Variants in CTNNA2 observed in about 807,000 individuals in gnomAD.
CTNNA2 encodes catenin alpha-2.
Under a neutral mutation model 101.0 loss-of-function variants are expected in CTNNA2, and 42 were observed. The ratio of observed to expected loss-of-function variants is 0.42; its 90% CI spans 0.32 to 0.54. CTNNA2 has a LOEUF of 0.54. CTNNA2 is among the 20% of genes least tolerant of loss of function. The pLI is 0.14. For missense variants in CTNNA2, 871 were observed against 1,223.1 expected (o/e 0.71, Z 4.29); for synonymous variants, 450 against 456.4 (o/e 0.99, Z 0.18).
Position 80,647,995 on chromosome 2 carries a change from A to G in CTNNA2, c.*123A>G. On this transcript the variant is annotated 3_prime_UTR_variant, in exon 19 of 19. Transcript: ENST00000402739. ...TCTGGCATGGGGAAATTAAGGGAAC[A>G]GTGTCTGTTTGCATGTAAGATGAGA... is the stretch of plus-strand genomic sequence containing the variant. 1.1e-6 allele frequency: 1 copy of G among 905,374 alleles called. No homozygotes were observed. The highest frequency in any genetic ancestry group is 1.8e-5 in the South Asian group (1 of 55,272). The allele number at this position is 905,374 out of a possible 1,614,324, so 56.1% of individuals were successfully genotyped here. A position where few individuals can be genotyped will look rare whatever the true frequency, so the allele number is the denominator to read the frequency against.
intron 7 of CTNNA2, among the ~76,000 whole-genome samples, chr2:79,973,781 T>A (rs1407867580): frequency 6.6e-6 from 1 of 152,190 alleles, no homozygotes; most frequent in East Asian, 1.9e-4. Flanking sequence ...TATCCTTAGC[T>A]ACAAGGATCA....
At chr2:80,132,504 A>G (rs1702469762) in intron 7 of CTNNA2, among the ~76,000 whole-genome samples, 1 of 152,210 alleles carries the variant, frequency 6.6e-6, no homozygotes, top group African/African-American at 2.4e-5. Flanking sequence ...TAGAAGCAAT[A>G]TAATTCCCTC....
At chr2:80,590,212 A>C (rs1379978372) in intron 15 of CTNNA2, among the ~76,000 whole-genome samples, 3 of 152,136 alleles carry the variant, frequency 2.0e-5, no homozygotes, top group African/African-American at 7.2e-5. Flanking sequence ...TGCCCTTTCA[A>C]CACAAAGGAC....
intron 2 of CTNNA2, among the ~76,000 whole-genome samples, chr2:79,262,934 G>A (rs1674942497): frequency 6.6e-6 from 1 of 152,102 alleles, no homozygotes; most frequent in African/African-American, 2.4e-5. Context: ...ATCTACAATA[G>A]TAAACACTTC....
chr2:79,346,543 C>T (rs1404496251), intron 3 of CTNNA2, among the ~76,000 whole-genome samples: 1 of 152,130 alleles, frequency 6.6e-6, no homozygotes, highest in East Asian at 1.9e-4. Context: ...TGATTTTATA[C>T]TCAGAAGTCC....
intron 1 of CTNNA2, among the ~76,000 whole-genome samples, chr2:79,194,276 CAT>C (rs1371330477): frequency 1.3e-5 from 2 of 152,092 alleles, no homozygotes; most frequent in South Asian, 2.1e-4. Flanking sequence ...AAAGAGGTGA[CAT>C]GTGAGTATAC....
chr2:79,436,179 T>C lies in CTNNA2; in HGVS notation c.-135+62166T>C, dbSNP rs74676696. Reference sequence around the variant, plus strand: ...GGATATGAAAAATGATGCTACTTTCTACCTGCGATGAACTGAAATGGTAGA... The same window carrying C: ...GGATATGAAAAATGATGCTACTTTCCACCTGCGATGAACTGAAATGGTAGA... On this transcript the variant is annotated intron_variant, in intron 4 of 21. Transcript: ENST00000466387. Among the ~76,000 whole-genome samples the C allele has an allele frequency of 1.2e-3, 179 of 152,332 alleles. 4 individuals are homozygous for C. In the East Asian group the frequency reaches 0.029, roughly 24 times the overall value.
At chr2:79,507,770 C>A (rs908543461) in intron 5 of CTNNA2, among the ~76,000 whole-genome samples, 2 of 152,014 alleles carry the variant, frequency 1.3e-5, no homozygotes, top group Non-Finnish European at 2.9e-5. Flanking sequence ...TGAATCTAGC[C>A]ACGAGATATA....
chr2:80,383,414 C>A (rs530520873), intron 7 of CTNNA2, among the ~76,000 whole-genome samples: 6 of 152,252 alleles, frequency 3.9e-5, no homozygotes, highest in African/African-American at 1.4e-4. Context: ...ATCCTGAGTT[C>A]TTTGGGAGAA....
chr2:80,154,212 A>G (rs2148933102), intron 7 of CTNNA2, among the ~76,000 whole-genome samples: 1 of 152,258 alleles, frequency 6.6e-6, no homozygotes, highest in East Asian at 1.9e-4. Context: ...GAGAAGGCTC[A>G]TGGCTTTTTG....
chr2:79,643,407 G>T (rs972199241), intron 1 of CTNNA2, among the ~76,000 whole-genome samples: 1 of 152,138 alleles, frequency 6.6e-6, no homozygotes, highest in African/African-American at 2.4e-5. Context: ...ACCAGCAGCA[G>T]CAGCAGCCTC....
intron 1 of CTNNA2, among the ~76,000 whole-genome samples, chr2:79,546,747 G>A (rs1673756270): frequency 6.6e-6 from 1 of 152,108 alleles, no homozygotes; most frequent in Admixed American, 6.6e-5. Context: ...TAACTCACTG[G>A]AATACTGATT....
intron 2 of CTNNA2, among the ~76,000 whole-genome samples, chr2:79,668,265 A>C (rs868070850): frequency 1.3e-4 from 19 of 149,404 alleles, no homozygotes; most frequent in African/African-American, 3.9e-4. Context: ...AAAAAAAAAA[A>C]AAAAAAAAAC....
rs3038816 is a variant in CTNNA2, at chr2:79,332,301, GAAA to G, written c.-318+19517_-318+19519del. 3.2e-3 allele frequency among the ~76,000 whole-genome samples: 457 copies of G among 144,998 alleles called. 1 individual carries two copies. Among genetic ancestry groups the G allele is most frequent in the African/African-American group, 0.011 (428 of 39,864 alleles). On this transcript the variant is annotated intron_variant, in intron 3 of 21. Coordinates refer to the CTNNA2 transcript ENST00000466387. ...ATAGAGAGGCACTGCAAAAGAAGAA[GAAA>G]AAAAAAAAAAAGACGATGGCCAACA...
chr2:79,290,010 T>G (rs1010787006), intron 2 of CTNNA2, among the ~76,000 whole-genome samples: 3 of 152,070 alleles, frequency 2.0e-5, no homozygotes, highest in African/African-American at 4.8e-5. Context: ...TTATAACAAT[T>G]GAGATGCTAT....
chr2:80,385,032 C>T (rs975759147), intron 7 of CTNNA2, among the ~76,000 whole-genome samples: 1 of 152,010 alleles, frequency 6.6e-6, no homozygotes, highest in Non-Finnish European at 1.5e-5. Flanking sequence ...CCAAGTGTGT[C>T]ATTCATTGAC....
chr2:80,581,751 T>G lies in CTNNA2; in HGVS notation c.1939T>G (p.Tyr647Asp), dbSNP rs2149718777. 6.2e-7 allele frequency: 1 copy of G among 1,613,388 alleles called. No individual in the cohort carries two copies. Among genetic ancestry groups the G allele is most frequent in the South Asian group, 1.1e-5 (1 of 91,070 alleles). The change falls in exon 14 of 19, where the codon TAT becomes GAT. Residue 647 changes from tyrosine to aspartate, a missense_variant. Transcript: ENST00000402739. ...TGATTCTGACTTTGAGCAGGAAGATTATGATGTGCGTAGCAGGACAAGTGT... is the reference window on the plus strand; with the variant it reads ...TGATTCTGACTTTGAGCAGGAAGATGATGATGTGCGTAGCAGGACAAGTGT... ...EDDSDFEQED[Y>D]DVRSRTSVQT...
intron 14 of CTNNA2, among the ~76,000 whole-genome samples, chr2:80,584,067 T>G (rs962140522): frequency 6.6e-6 from 1 of 152,110 alleles, no homozygotes; most frequent in Non-Finnish European, 1.5e-5. Flanking sequence ...TTATGGCTGT[T>G]AAGTTGGAAA....
chr2:80,423,987 G>A (rs973715823), intron 9 of CTNNA2, among the ~76,000 whole-genome samples: 4 of 151,708 alleles, frequency 2.6e-5, no homozygotes, highest in African/African-American at 4.8e-5. Flanking sequence ...ATGGAGTCTC[G>A]CACTGTCGCC....
Sources: allele counts gnomAD v4.1 joint callset (sites outside exome capture counted in the v4.1 genomes callset), GRCh38; gene constraint gnomAD v4.1.1; transcripts MANE v1.5; gene names NCBI Gene and HGNC (gene_info 2026-07-23, HGNC 2026-07-21).